The following CCDC73 variants were observed in gnomAD, a reference collection of about 807,000 sequenced individuals.
CCDC73 encodes the protein coiled-coil domain-containing protein 73.
A neutral mutation model predicts 116.5 loss-of-function variants in CCDC73; 95 were observed. The observed-to-expected ratio is 0.82, with a 90% CI of 0.69 to 0.97. The LOEUF (loss-of-function observed/expected upper bound fraction) is 0.97, where lower values mean the gene tolerates loss of function less well. Ranked by LOEUF, CCDC73 falls within the 50% of genes least tolerant of loss-of-function variation. The pLI is 0.00. For missense variants in CCDC73, 1,066 were observed against 1,206.8 expected (o/e 0.88, Z 1.73); for synonymous variants, 398 against 401.3 (o/e 0.99, Z 0.10).
intron 1 of CCDC73, among the ~76,000 whole-genome samples, chr11:32,773,376 G>C (rs1040215047): frequency 6.6e-6 from 1 of 152,070 alleles, no homozygotes; most frequent in African/African-American, 2.4e-5. Flanking sequence ...ATAAACAACT[G>C]TGAATATACC....
intron 2 of CCDC73, among the ~76,000 whole-genome samples, chr11:32,720,874 T>C (rs540188233): frequency 1.3e-5 from 2 of 152,244 alleles, no homozygotes; most frequent in Admixed American, 1.3e-4. Flanking sequence ...ATTTTATATC[T>C]TGATAAGGTT....
chr11:32,606,513 A>C (rs1855352996), intron 17 of CCDC73, among the ~76,000 whole-genome samples: 1 of 152,248 alleles, frequency 6.6e-6, no homozygotes, highest in South Asian at 2.1e-4. Context: ...TGGGACAATG[A>C]AGCTTACCAT....
At chr11:32,797,413 C>T (rs878943314), upstream of CCDC73, among the ~76,000 whole-genome samples, 1 of 152,170 alleles carries the variant, frequency 6.6e-6, no homozygotes, top group Non-Finnish European at 1.5e-5. Context: ...TTTCTTTGTA[C>T]ATGCTGCTTC....
the CCDC73 span, among the ~76,000 whole-genome samples, chr11:32,814,669 C>T: frequency 6.6e-6 from 1 of 152,072 alleles, no homozygotes; most frequent in African/African-American, 2.4e-5. Flanking sequence ...TAGCAAGTCC[C>T]CTTGTAGGTA....
chr11:32,786,105 T>C (rs1298540258), intron 1 of CCDC73, among the ~76,000 whole-genome samples: 1 of 151,960 alleles, frequency 6.6e-6, no homozygotes, highest in African/African-American at 2.4e-5. Context: ...AAAATATTCT[T>C]ACACTTCAGT....
chr11:32,681,109 C>CT (rs1177125478), intron 7 of CCDC73: 1 of 151,868 alleles, frequency 6.6e-6, no homozygotes, highest in Non-Finnish European at 1.5e-5. Flanking sequence ...ATTGAAATTG[C>CT]TTTAACTTCA....
At chr11:32,753,462 A>C (rs1011372605) in intron 2 of CCDC73, among the ~76,000 whole-genome samples, 1 of 150,134 alleles carries the variant, frequency 6.7e-6, no homozygotes, top group Non-Finnish European at 1.5e-5. Flanking sequence ...ACCCAGCTAA[A>C]ATTTTGTTTT....
At chr11:32,638,014 T>C (rs1471465125) in intron 13 of CCDC73, among the ~76,000 whole-genome samples, 1 of 152,208 alleles carries the variant, frequency 6.6e-6, no homozygotes, top group East Asian at 1.9e-4. Context: ...TAGTTAATGA[T>C]ATTATCATTC....
chr11:32,803,010 A>G, the CCDC73 span, among the ~76,000 whole-genome samples: 3 of 151,940 alleles, frequency 2.0e-5, no homozygotes, highest in African/African-American at 7.3e-5. Flanking sequence ...TCTGGCTTCA[A>G]GTGATCTGCC....
At chr11:32,798,852 T>C (rs1438693115), upstream of CCDC73, among the ~76,000 whole-genome samples, 2 of 151,918 alleles carry the variant, frequency 1.3e-5, no homozygotes, top group African/African-American at 4.8e-5. Flanking sequence ...TAAACACTTT[T>C]TTTTCACTAC....
At chr11:32,661,430 C>T (rs1319576532) in intron 9 of CCDC73, among the ~76,000 whole-genome samples, 1 of 151,112 alleles carries the variant, frequency 6.6e-6, no homozygotes, top group Non-Finnish European at 1.5e-5. Flanking sequence ...AGGTGTATCT[C>T]CTAATGCTAT....
At chr11:32,726,920 A>C (rs546470387) in intron 2 of CCDC73, among the ~76,000 whole-genome samples, 3 of 152,318 alleles carry the variant, frequency 2.0e-5, no homozygotes, top group Admixed American at 2.0e-4. Flanking sequence ...ATTAGGATCC[A>C]GCTGAAGCCA....
At chr11:32,792,356 G>A (rs1000550597) in intron 1 of CCDC73, among the ~76,000 whole-genome samples, 13 of 152,148 alleles carry the variant, frequency 8.5e-5, no homozygotes, top group African/African-American at 3.1e-4. Flanking sequence ...TGACTCATGT[G>A]TAAGTATTTA....
intron 7 of CCDC73, among the ~76,000 whole-genome samples, chr11:32,676,242 GCAAAATAGT>G (rs1856088022): frequency 6.6e-6 from 1 of 152,050 alleles, no homozygotes. Flanking sequence ...TTTTCCTGTA[GCAAAATAGT>G]CACTTCAGGT....
Position 32,654,007 on chromosome 11 carries a change from C to T in CCDC73, c.805G>A (p.Glu269Lys), listed in dbSNP as rs1479187558. 2 of 1,598,176 alleles carry T rather than the reference C, an allele frequency of 1.3e-6. No homozygotes were observed. The highest frequency in any genetic ancestry group is 1.3e-5 in the African/African-American group (1 of 74,612). ...TTTTCTTCTTGAATATGGGTAATCT[C>T]TTCATTAATCTTCTCATTTAATTCC... The part of the protein sequence containing the change: ...ELELNEKINE[E>K]ITHIQEEKQD... Residue 269 changes from glutamate (E) to lysine (K), a missense_variant, in exon 11 of 18, where the codon GAG becomes AAG. Physicochemically the swap from Glu to Lys is moderately conservative, Grantham distance 56. Coordinates refer to ENST00000335185, the MANE Select transcript of CCDC73 (RefSeq NM_001008391.4).
intron 6 of CCDC73, among the ~76,000 whole-genome samples, chr11:32,695,653 T>A (rs1162429343): frequency 6.6e-6 from 1 of 152,080 alleles, no homozygotes; most frequent in African/African-American, 2.4e-5. Context: ...CACTGAGGCA[T>A]CAGTTGCTCT....
intron 1 of CCDC73, among the ~76,000 whole-genome samples, chr11:32,782,853 G>A (rs1467607785): frequency 6.6e-6 from 1 of 152,018 alleles, no homozygotes; most frequent in Admixed American, 6.6e-5. Flanking sequence ...AAAAGGATTA[G>A]AAGACAAAGT....
rs547574153 is a variant in CCDC73 at position 32,616,669 on chromosome 11, A to C, written c.1186-540T>G. Among the ~76,000 whole-genome samples the C allele has an allele frequency of 2.1e-4, 32 of 152,294 alleles. No homozygotes were observed. The South Asian group carries it at 6.6e-3, about 32-fold the overall frequency. On this transcript the variant is annotated intron_variant, in intron 14 of 17. Transcript: ENST00000335185. ...TGAAGCAGTATTTTTATGTATCCTT[A>C]AAACAGTGAATCAGTCCAACATGCT...
In CCDC73 at chr11:32,614,196, G is replaced by A; in HGVS notation, c.2122C>T (p.His708Tyr). The change falls in exon 16 of 18, where the codon CAC (histidine) becomes TAC (tyrosine). Residue 708 changes from histidine to tyrosine, a missense_variant. Transcript: ENST00000335185. ...CTAAAAGCAGCATATGAAACATGGT[G>A]GTCGATTACTATATCACAGGGAACA... ...LTVPCDIVID[H>Y]HVSYAAFSAN... 6.2e-7 allele frequency: 1 copy of A among 1,613,832 alleles called. No individual in the cohort carries two copies. The highest frequency in any genetic ancestry group is 1.3e-5 in the African/African-American group (1 of 75,020).
Sources: gnomAD v4.1 joint callset for allele counts (sites outside exome capture counted in the v4.1 genomes callset) on GRCh38, gnomAD v4.1.1 for gene constraint, MANE v1.5 for transcripts, NCBI Gene and HGNC (gene_info 2026-07-23, HGNC 2026-07-21) for gene names.